Variants in PAWR observed in about 807,000 individuals in gnomAD.
PAWR encodes PRKC apoptosis WT1 regulator protein.
In PAWR, 23 loss-of-function variants were observed where a neutral mutation model predicts 32.0. The observed-to-expected ratio is 0.72, with a 90% CI of 0.52 to 1.02. The LOEUF (loss-of-function observed/expected upper bound fraction) is 1.02. Among genes scored for constraint, PAWR ranks in the 50% least tolerant of loss-of-function variants. The pLI is 0.00. For missense variants in PAWR, 457 were observed against 437.7 expected (o/e 1.04, Z -0.39); for synonymous variants, 226 against 187.1 (o/e 1.21, Z -1.70).
At chr12:79,664,658 C>CGGGGGGGGGGGGG (rs10700018) in intron 2 of PAWR, among the ~76,000 whole-genome samples, 1 of 128,238 alleles carries the variant, frequency 7.8e-6, no homozygotes, top group African/African-American at 3.9e-5. Flanking sequence ...GACTCTTTGG[C>CGGGGGGGGGGGGG]GGGGGGGGGA....
At chr12:79,682,911 T>C (rs960045079) in intron 2 of PAWR, among the ~76,000 whole-genome samples, 7 of 152,242 alleles carry the variant, frequency 4.6e-5, no homozygotes, top group Non-Finnish European at 8.8e-5. Flanking sequence ...TTTGATAAGA[T>C]GGCAAACACA....
chr12:79,622,926 C>G (rs1022334600), intron 2 of PAWR, among the ~76,000 whole-genome samples: 1 of 152,014 alleles, frequency 6.6e-6, no homozygotes, highest in African/African-American at 2.4e-5. Flanking sequence ...AGTGAGGACT[C>G]GAAAGGCATA....
rs1873507730 is a variant in PAWR, at chr12:79,590,197, T to A, written c.*2410A>T. The A allele has an allele frequency of 9.3e-6, 1 of 107,662 alleles. No individual in the cohort carries two copies. The highest frequency in any genetic ancestry group is 2.1e-5 in the Non-Finnish European group (1 of 47,956). 6.7% of individuals were successfully genotyped at this position (107,662 alleles called of 1,614,324 possible). A position where few individuals can be genotyped will look rare whatever the true frequency, so the allele number is the denominator to read the frequency against. ...GCTCAGTCTTTAAAAGTATTAATAA[T>A]TTTTTTTTTTTTTTTTTTGGAGACA... On this transcript the variant is annotated 3_prime_UTR_variant, in exon 7 of 7. Transcript: ENST00000328827.
intron 2 of PAWR, among the ~76,000 whole-genome samples, chr12:79,664,422 T>C (rs1877499828): frequency 6.6e-6 from 1 of 152,240 alleles, no homozygotes; most frequent in Non-Finnish European, 1.5e-5. Context: ...TTTAGGATCA[T>C]GCCATGCTTC....
chr12:79,604,800 A>G lies in PAWR; in HGVS notation c.684-8142T>C, dbSNP rs973998116. The G allele has an allele frequency of 1.2e-5, 7 of 597,702 alleles. No individual in the cohort carries two copies. The East Asian group carries it at 2.5e-4, about 21-fold the overall frequency. 37.0% of individuals were successfully genotyped at this position (597,702 alleles called of 1,614,324 possible). On this transcript the variant is annotated intron_variant, in intron 4 of 6. Transcript: ENST00000328827. ...TCAACTCCCATTATATTAAACTCTC[A>G]TAACTCTTTATTAAAATTGATACAT...
intron 3 of PAWR, among the ~76,000 whole-genome samples, chr12:79,620,013 T>C (rs8176878): frequency 1.3e-5 from 2 of 152,122 alleles, no homozygotes; most frequent in African/African-American, 4.8e-5. Flanking sequence ...ATCAGACAAA[T>C]ACAAGTCAGA....
chr12:79,596,487 T>G (rs1414482068), intron 5 of PAWR, 24 bp downstream of exon 5: 1 of 1,246,004 alleles, frequency 8.0e-7, no homozygotes, highest in East Asian at 2.4e-5. Flanking sequence ...ATTTTATCAA[T>G]CTTAAATAAC....
chr12:79,610,771 A>G (rs953984729), intron 4 of PAWR, among the ~76,000 whole-genome samples: 32 of 151,690 alleles, frequency 2.1e-4, no homozygotes, highest in Non-Finnish European at 4.4e-5. Flanking sequence ...TTAAAAAAAA[A>G]AAAAAGAAAA....
intron 2 of PAWR, among the ~76,000 whole-genome samples, chr12:79,641,844 TCAAAAAAAAAA>T (rs1876339834): frequency 1.9e-5 from 1 of 53,318 alleles, no homozygotes; most frequent in Non-Finnish European, 2.9e-5. Flanking sequence ...AGACTCCGTC[TCAAAAAAAAAA>T]AAAAAAAAAA....
At chr12:79,606,720 T>C (rs765190682) in intron 4 of PAWR, among the ~76,000 whole-genome samples, 3 of 152,186 alleles carry the variant, frequency 2.0e-5, no homozygotes, top group Non-Finnish European at 4.4e-5. Context: ...TTCCTACCCA[T>C]GCTAGGCAAA....
chr12:79,635,385 T>C (rs1378324065), intron 2 of PAWR, among the ~76,000 whole-genome samples: 2 of 152,122 alleles, frequency 1.3e-5, no homozygotes, highest in African/African-American at 4.8e-5. Context: ...TGAGGGATAT[T>C]ACTGGTTATG....
At chr12:79,632,909 G>A (rs745395330) in intron 2 of PAWR, among the ~76,000 whole-genome samples, 11 of 151,962 alleles carry the variant, frequency 7.2e-5, no homozygotes, top group Non-Finnish European at 1.3e-4. Flanking sequence ...TGAGGTGGGC[G>A]GATCACTTGA....
intron 3 of PAWR, among the ~76,000 whole-genome samples, chr12:79,616,342 C>G (rs570907420): frequency 6.6e-6 from 1 of 152,130 alleles, no homozygotes; most frequent in East Asian, 1.9e-4. Flanking sequence ...TTGCCTTTTA[C>G]TGAAATGAAG....
intron 2 of PAWR, among the ~76,000 whole-genome samples, chr12:79,626,024 C>T (rs1391603883): frequency 2.1e-4 from 31 of 147,114 alleles, no homozygotes; most frequent in African/African-American, 7.0e-4. Flanking sequence ...ACTAGCCAGG[C>T]GTGGTGGCAC....
At chr12:79,665,875 C>A (rs1334918765) in intron 2 of PAWR, among the ~76,000 whole-genome samples, 3 of 152,186 alleles carry the variant, frequency 2.0e-5, no homozygotes, top group Non-Finnish European at 4.4e-5. Context: ...TGATTTTTCT[C>A]TTCCATGGAG....
At position 79,594,352 on chromosome 12, in the gene PAWR, C is replaced by T; in HGVS notation, c.913G>A (p.Glu305Lys). 1 of 1,534,294 alleles carries T rather than the reference C, an allele frequency of 6.5e-7. No homozygotes were observed. The highest frequency in any genetic ancestry group is 8.9e-7 in the Non-Finnish European group (1 of 1,117,648). ...ACTCTATTTAATAAATCAATTTCTT[C>T]TTTGAGTTTTCCAATCATTTCCTCT... ...DKEEMIGKLKEEIDLLNRDLD... is the reference protein window; with the variant it reads ...DKEEMIGKLKKEIDLLNRDLD... Residue 305 changes from glutamate (E) to lysine (K), a missense_variant, in exon 6 of 7, where the codon GAA (glutamate) becomes AAA (lysine). Transcript: ENST00000328827.
At chr12:79,661,319 T>C (rs1406964247) in intron 2 of PAWR, among the ~76,000 whole-genome samples, 3 of 151,738 alleles carry the variant, frequency 2.0e-5, no homozygotes, top group Admixed American at 2.0e-4. Flanking sequence ...CAATCTGTCC[T>C]TAGAAACTTA....
chr12:79,655,957 T>C (rs1877074639), intron 2 of PAWR, among the ~76,000 whole-genome samples: 2 of 152,170 alleles, frequency 1.3e-5, no homozygotes, highest in South Asian at 4.1e-4. Context: ...AGATCCGGGA[T>C]CAAGAAAGAT....
chr12:79,687,810 G>A (rs1947867514), intron 2 of PAWR, among the ~76,000 whole-genome samples: 1 of 152,094 alleles, frequency 6.6e-6, no homozygotes, highest in South Asian at 2.1e-4. Context: ...AAATACATAA[G>A]TTGTTTTGAA....
Sources: allele counts gnomAD v4.1 joint callset (sites outside exome capture counted in the v4.1 genomes callset), GRCh38; gene constraint gnomAD v4.1.1; transcripts MANE v1.5; gene names NCBI Gene and HGNC (gene_info 2026-07-23, HGNC 2026-07-21).